PREX1: variants seen among roughly 807,000 people sequenced by gnomAD.
The protein encoded by PREX1 is phosphatidylinositol 3,4,5-trisphosphate-dependent Rac exchanger 1 protein.
A neutral mutation model predicts 198.3 loss-of-function variants in PREX1; 41 were observed. The observed-to-expected ratio is 0.21, with a 90% CI of 0.16 to 0.27. The LOEUF is 0.27. Among genes scored for constraint, PREX1 ranks in the 10% least tolerant of loss-of-function variants. The probability of loss-of-function intolerance (pLI) is 1.00; values close to 1 mark genes in which losing one functional copy is unlikely to be tolerated. For missense variants in PREX1, 1,620 were observed against 2,200.7 expected (o/e 0.74, Z 5.28); for synonymous variants, 843 against 887.2 (o/e 0.95, Z 0.89).
chr20:48,842,240 C>T, the PREX1 span, among the ~76,000 whole-genome samples: 1 of 152,270 alleles, frequency 6.6e-6, no homozygotes, highest in South Asian at 2.1e-4. Flanking sequence ...ATTTAGGCGG[C>T]CACAGACTTA....
intron 36 of PREX1, among the ~76,000 whole-genome samples, chr20:48,629,863 T>A (rs2122807297): frequency 6.6e-6 from 1 of 152,288 alleles, no homozygotes; most frequent in Admixed American, 6.5e-5. Flanking sequence ...ATTTCAGGTC[T>A]AACCTTCCAA....
intron 39 of PREX1, among the ~76,000 whole-genome samples, chr20:48,627,216 G>A (rs1329668893): frequency 4.6e-5 from 7 of 151,820 alleles, no homozygotes; most frequent in Non-Finnish European, 7.4e-5. Context: ...CACGGGGTGG[G>A]GGGCACATGG....
At chr20:48,694,389 A>C (rs2089834883) in intron 7 of PREX1, among the ~76,000 whole-genome samples, 1 of 152,212 alleles carries the variant, frequency 6.6e-6, no homozygotes, top group South Asian at 2.1e-4. Context: ...AACGCCTACT[A>C]TGTGCCAGGC....
chr20:48,661,211 G>T (rs2089588226), intron 15 of PREX1, among the ~76,000 whole-genome samples: 1 of 151,542 alleles, frequency 6.6e-6, no homozygotes, highest in Non-Finnish European at 1.5e-5. Flanking sequence ...CCAAGGTGGG[G>T]AGTCCCAGAC....
At chr20:48,835,838 G>A in the PREX1 span, among the ~76,000 whole-genome samples, 1 of 152,200 alleles carries the variant, frequency 6.6e-6, no homozygotes, top group Non-Finnish European at 1.5e-5. Context: ...TAAACTAAGA[G>A]CAGGGTGAGG....
At chr20:48,839,323 T>C in the PREX1 span, among the ~76,000 whole-genome samples, 1 of 152,096 alleles carries the variant, frequency 6.6e-6, no homozygotes, top group African/African-American at 2.4e-5. Flanking sequence ...TCCTCCCATT[T>C]CCCTCTCCCC....
chr20:48,669,635 A>C (rs2089661956), intron 14 of PREX1, among the ~76,000 whole-genome samples: 2 of 152,088 alleles, frequency 1.3e-5, no homozygotes, highest in Non-Finnish European at 2.9e-5. Context: ...TTGAAAACTG[A>C]TTCTGAACTC....
the PREX1 span, among the ~76,000 whole-genome samples, chr20:48,882,249 T>C: frequency 6.6e-6 from 1 of 152,248 alleles, no homozygotes; most frequent in East Asian, 1.9e-4. Context: ...ACGCCTGTAA[T>C]CCCAGCACTT....
At chr20:48,648,361 CACTTCT>C (rs1238396978) in intron 25 of PREX1, among the ~76,000 whole-genome samples, 6 of 152,232 alleles carry the variant, frequency 3.9e-5, no homozygotes, top group Non-Finnish European at 8.8e-5. Context: ...TGTCCAAAGA[CACTTCT>C]ACTTGTCTTA....
chr20:48,719,365 G>C (rs533706336), intron 5 of PREX1, among the ~76,000 whole-genome samples: 2 of 152,264 alleles, frequency 1.3e-5, no homozygotes, highest in South Asian at 4.1e-4. Flanking sequence ...ACAGGAAAGA[G>C]CCTAAGCACA....
At chr20:48,769,862 C>A (rs1020484839) in intron 1 of PREX1, among the ~76,000 whole-genome samples, 1 of 152,218 alleles carries the variant, frequency 6.6e-6, no homozygotes, top group African/African-American at 2.4e-5. Context: ...GAGAACACTA[C>A]AAATTTTCCT....
At chr20:48,717,997 TAAC>T (rs1881509343) in intron 5 of PREX1, among the ~76,000 whole-genome samples, 1 of 152,224 alleles carries the variant, frequency 6.6e-6, no homozygotes, top group Non-Finnish European at 1.5e-5. Flanking sequence ...CACCTTACAG[TAAC>T]AGTTGGCTGG....
rs764776122 is a variant in PREX1, at chr20:48,679,346, A to G, written c.1589+14T>C. The G allele has an allele frequency of 5.3e-5, 86 of 1,609,270 alleles. No homozygotes were observed. The highest frequency in any genetic ancestry group is 6.9e-5 in the Non-Finnish European group (81 of 1,175,886). On this transcript the variant is annotated intron_variant, in intron 13 of 39. Transcript: ENST00000371941. ...AGGTAGAGGTGAAATTGGAGCTTGG[A>G]AAGAGTAACTTACTTGATCACCGGG...
Position 48,685,664 on chromosome 20 carries a change from C to T in PREX1, c.1334+2993G>A, listed in dbSNP as rs192207019. On this transcript the variant is annotated intron_variant, in intron 10 of 39. Transcript: ENST00000371941. ...AAATCAGGCCAGGTGCAGTGGCTCA[C>T]GCCTGTAATCCCAGCACCTTGGGAA... is the stretch of plus-strand genomic sequence containing the variant. 1.9e-3 allele frequency among the ~76,000 whole-genome samples: 284 copies of T among 152,252 alleles called. 2 individuals carry two copies. The highest frequency in any genetic ancestry group is 6.6e-3 in the African/African-American group (274 of 41,554).
chr20:48,762,973 G>A (rs2090189755), intron 1 of PREX1, among the ~76,000 whole-genome samples: 1 of 152,226 alleles, frequency 6.6e-6, no homozygotes. Flanking sequence ...AAAGTTCTGG[G>A]ATTACAGGCG....
intron 10 of PREX1, among the ~76,000 whole-genome samples, chr20:48,682,604 G>A (rs1228899744): frequency 6.6e-6 from 1 of 152,206 alleles, no homozygotes; most frequent in African/African-American, 2.4e-5. Context: ...GAGGTCGGCA[G>A]GAAGGTCTCG....
chr20:48,770,274 C>A (rs907661187), intron 1 of PREX1, among the ~76,000 whole-genome samples: 4 of 152,150 alleles, frequency 2.6e-5, no homozygotes, highest in Middle Eastern at 3.2e-3. Flanking sequence ...CTGGAAAAGC[C>A]AGGAAATCAG....
At chr20:48,703,221 A>G (rs1382345023) in intron 6 of PREX1, among the ~76,000 whole-genome samples, 1 of 152,230 alleles carries the variant, frequency 6.6e-6, no homozygotes, top group Non-Finnish European at 1.5e-5. Flanking sequence ...AGTTGGGTAC[A>G]ACAAACCCAT....
rs534588720 is a variant in PREX1, at chr20:48,661,287, C to T, written c.1739-1226G>A. Among the ~76,000 whole-genome samples, 11 of 150,462 alleles carry T rather than the reference C, an allele frequency of 7.3e-5. No homozygotes were observed. In the South Asian group the frequency reaches 1.3e-3, roughly 17 times the overall value. ...ATACAAAATTAGCTGGGCATGGTGGCGCATGCCTGTAATCCCAGCTACTCG... is the reference window on the plus strand; with the variant it reads ...ATACAAAATTAGCTGGGCATGGTGGTGCATGCCTGTAATCCCAGCTACTCG... On this transcript the variant is annotated intron_variant, in intron 15 of 39. Coordinates refer to ENST00000371941, the MANE Select transcript of PREX1 (RefSeq NM_020820.4).
Sources: allele counts gnomAD v4.1 joint callset (sites outside exome capture counted in the v4.1 genomes callset), GRCh38; gene constraint gnomAD v4.1.1; transcripts MANE v1.5; gene names NCBI Gene and HGNC (gene_info 2026-07-23, HGNC 2026-07-21).